DDX23: variants seen among roughly 807,000 people sequenced by gnomAD.
The protein encoded by DDX23 is DEAD-box helicase 23.
A neutral mutation model predicts 102.7 loss-of-function variants in DDX23; 33 were observed. The ratio of observed to expected loss-of-function variants is 0.32; its 90% CI spans 0.24 to 0.43. The LOEUF (loss-of-function observed/expected upper bound fraction) is 0.43, where lower values mean the gene tolerates loss of function less well. Among genes scored for constraint, DDX23 ranks in the 20% least tolerant of loss-of-function variants. The probability of loss-of-function intolerance (pLI) is 1.00; values close to 1 mark genes in which losing one functional copy is unlikely to be tolerated. For synonymous variants in DDX23, 352 were observed against 376.0 expected, an observed-to-expected ratio of 0.94 and a Z score of 0.74; for missense variants, 549 against 1,086.6, an observed-to-expected ratio of 0.51 and a Z score of 6.96.
At chr12:48,848,267 CAG>C (rs1255667276) in intron 1 of DDX23, among the ~76,000 whole-genome samples, 3 of 148,628 alleles carry the variant, frequency 2.0e-5, no homozygotes, top group African/African-American at 7.4e-5. Flanking sequence ...GCCTGGGTGA[CAG>C]AGTGAGACTC....
rs751491247 is a variant in DDX23 at position 48,832,749 on chromosome 12, C to T, written c.1804-176G>A. 6.9e-5 allele frequency: 51 copies of T among 742,984 alleles called. No individual in the cohort carries two copies. Among genetic ancestry groups the T allele is most frequent in the Non-Finnish European group, 1.0e-4 (49 of 475,704 alleles). The allele number at this position is 742,984 out of a possible 1,614,324, so 46.0% of individuals were successfully genotyped here. A position where few individuals can be genotyped will look rare whatever the true frequency, so the allele number is the denominator to read the frequency against. On this transcript the variant is annotated intron_variant, in intron 13 of 16. Transcript: ENST00000308025. The surrounding 1 kb of genome is among the most constrained non-coding windows in gnomAD (Gnocchi z 4.4). ...AATTCCCATCCTTCCTGAGTACCTG[C>T]TCATCAAGGCACTTTCCATCTTATG... is the stretch of plus-strand genomic sequence containing the variant.
In DDX23 at chr12:48,841,797, A is replaced by C. The variant is rs199678281; in HGVS notation, c.321-1691T>G. On this transcript the variant is annotated intron_variant, in intron 3 of 16. Transcript: ENST00000308025. ...GCCCAGGCTGGAGTGCAGTGGCGTG[A>C]TCTTGGCTCGCTACAACCTCCACCT... is the stretch of plus-strand genomic sequence containing the variant. Among the ~76,000 whole-genome samples, 22 of 152,270 alleles carry C rather than the reference A, an allele frequency of 1.4e-4. No individual in the cohort carries two copies. The East Asian group carries it at 3.7e-3, about 25-fold the overall frequency.
intron 3 of DDX23, among the ~76,000 whole-genome samples, chr12:48,842,697 C>A (rs1938586399): frequency 6.6e-6 from 1 of 150,704 alleles, no homozygotes; most frequent in Admixed American, 6.6e-5. Context: ...CCCCGCCCGG[C>A]CAGCCGCCCC....
At chr12:48,839,558 CAAAAAAAA>C in intron 5 of DDX23, 15 of 71,324 alleles carry the variant, frequency 2.1e-4, no homozygotes, top group Middle Eastern at 8.9e-3. Context: ...GACTCTGTCT[CAAAAAAAA>C]AAAAAAAAAA....
intron 2 of DDX23, among the ~76,000 whole-genome samples, chr12:48,845,040 T>C (rs1938641020): frequency 6.6e-6 from 1 of 151,216 alleles, no homozygotes; most frequent in Non-Finnish European, 1.5e-5. Flanking sequence ...TAATCCCAGC[T>C]ATTCGGGAGG....
intron 3 of DDX23, among the ~76,000 whole-genome samples, chr12:48,842,677 GGGGTCAGCCCC>G (rs1248846895): frequency 4.0e-5 from 6 of 149,208 alleles, no homozygotes; most frequent in African/African-American, 1.2e-4. Flanking sequence ...GGGAGGTGGG[GGGGTCAGCCCC>G]CCGCCCGGCC....
chr12:48,840,295 C>A, intron 3 of DDX23, 189 bp from the exon 4 acceptor site: 1 of 651,604 alleles, frequency 1.5e-6, no homozygotes, highest in Non-Finnish European at 2.8e-6. Context: ...TAATTATGGC[C>A]CTGTCTTGGC....
intron 1 of DDX23, among the ~76,000 whole-genome samples, chr12:48,847,024 G>A (rs190485671): frequency 6.6e-6 from 1 of 152,274 alleles, no homozygotes; most frequent in African/African-American, 2.4e-5. Flanking sequence ...AGCTCGAATG[G>A]TTCCTTAAGC....
intron 5 of DDX23, among the ~76,000 whole-genome samples, chr12:48,838,872 G>T (rs1268850057): frequency 3.3e-5 from 5 of 152,006 alleles, no homozygotes; most frequent in South Asian, 2.1e-4. Flanking sequence ...AACAAACAAT[G>T]CATGTGTTAT....
At chr12:48,846,505 GA>G (rs1304584670) in intron 1 of DDX23, among the ~76,000 whole-genome samples, 1 of 152,106 alleles carries the variant, frequency 6.6e-6, no homozygotes, top group East Asian at 1.9e-4. Flanking sequence ...GCTCAATGGA[GA>G]AAAAAGTTTA....
At chr12:48,839,754 GA>G in intron 5 of DDX23, 89 bp downstream of exon 5, 1 of 1,361,250 alleles carries the variant, frequency 7.3e-7, no homozygotes, top group East Asian at 2.4e-5. Context: ...AGAACTGTGA[GA>G]AAATTAACTT....
chr12:48,851,448 A>G (rs1021932837), intron 1 of DDX23, among the ~76,000 whole-genome samples: 28 of 152,074 alleles, frequency 1.8e-4, no homozygotes, highest in African/African-American at 6.5e-4. Context: ...ACTCCAGCCT[A>G]GGCGACAGAG....
chr12:48,844,311 C>T (rs780157464), intron 2 of DDX23, among the ~76,000 whole-genome samples: 4 of 152,106 alleles, frequency 2.6e-5, no homozygotes, highest in African/African-American at 7.2e-5. Context: ...TGGAGTCTCA[C>T]TCTCACGCCC....
chr12:48,837,472 T>G (rs577494265), intron 7 of DDX23, 52 bp downstream of exon 7: 6 of 1,613,184 alleles, frequency 3.7e-6, no homozygotes, highest in Non-Finnish European at 5.1e-6. Context: ...GCCAAATAAC[T>G]AAACCTCATT....
At chr12:48,840,195 TC>T in intron 3 of DDX23, 89 bp from the exon 4 acceptor site, 2 of 1,012,616 alleles carry the variant, frequency 2.0e-6, no homozygotes, top group Admixed American at 1.7e-5. Flanking sequence ...AATGGAAGTT[TC>T]CCCATGACTC....
intron 11 of DDX23, chr12:48,834,891 G>A (rs917164871): frequency 1.8e-5 from 3 of 170,584 alleles, no homozygotes; most frequent in Non-Finnish European, 3.8e-5. Flanking sequence ...CTGAGATCAC[G>A]CCACTGCACT....
At chr12:48,835,533 C>A (rs1938457368) in intron 11 of DDX23, among the ~76,000 whole-genome samples, 1 of 152,160 alleles carries the variant, frequency 6.6e-6, no homozygotes, top group Middle Eastern at 3.4e-3. Context: ...AACATTGAGA[C>A]CCCGTCTCTA....
intron 5 of DDX23, 48 bp downstream of exon 5, chr12:48,839,796 T>A: frequency 6.3e-7 from 1 of 1,591,728 alleles, no homozygotes; most frequent in African/African-American, 1.3e-5. Context: ...TCTGTGGTAT[T>A]GTGTTATGGC....
At chr12:48,838,907 G>C (rs548880736) in intron 5 of DDX23, among the ~76,000 whole-genome samples, 1 of 152,026 alleles carries the variant, frequency 6.6e-6, no homozygotes, top group African/African-American at 2.4e-5. Context: ...ACAGACTCTC[G>C]CTCTGTTGCC....
Sources: allele counts gnomAD v4.1 joint callset (sites outside exome capture counted in the v4.1 genomes callset), GRCh38; gene constraint gnomAD v4.1.1; non-coding constraint Gnocchi (gnomAD v3.1); transcripts MANE v1.5; gene names NCBI Gene and HGNC (gene_info 2026-07-23, HGNC 2026-07-21).